MYRIP: variants seen among roughly 807,000 people sequenced by gnomAD.
MYRIP encodes myosin VIIA and Rab interacting protein, also known as rab effector MyRIP.
In MYRIP, 49 loss-of-function variants were observed where a neutral mutation model predicts 98.0. The ratio of observed to expected loss-of-function variants is 0.50; its 90% CI spans 0.40 to 0.63. The LOEUF (loss-of-function observed/expected upper bound fraction) is 0.63, where lower values mean the gene tolerates loss of function less well. Among genes scored for constraint, MYRIP ranks in the 30% least tolerant of loss-of-function variants. The pLI is 0.00. For synonymous variants in MYRIP, 404 were observed against 409.5 expected (o/e 0.99, Z 0.16); for missense variants, 1,004 against 1,058.2 (o/e 0.95, Z 0.71).
At chr3:39,889,579 A>G (rs1457366533) in intron 1 of MYRIP, among the ~76,000 whole-genome samples, 1 of 152,218 alleles carries the variant, frequency 6.6e-6, no homozygotes, top group Admixed American at 6.5e-5. Context: ...ACCTAATGCT[A>G]GATGACGAGT....
At chr3:39,951,427 C>T (rs1366378015) in intron 2 of MYRIP, among the ~76,000 whole-genome samples, 1 of 151,966 alleles carries the variant, frequency 6.6e-6, no homozygotes, top group East Asian at 1.9e-4. Flanking sequence ...TAGAGAAGCG[C>T]TACTTTAAAC....
chr3:40,159,508 A>G (rs1489938737), intron 4 of MYRIP, among the ~76,000 whole-genome samples: 91 of 151,348 alleles, frequency 6.0e-4, no homozygotes, highest in African/African-American at 2.1e-3. Flanking sequence ...TCTTTGTGGC[A>G]TTCTCTGTAT....
chr3:40,160,732 A>G (rs945525608), intron 4 of MYRIP, among the ~76,000 whole-genome samples: 1 of 152,188 alleles, frequency 6.6e-6, no homozygotes, highest in African/African-American at 2.4e-5. Context: ...AAAGCGCAGT[A>G]TTCGGGTGGG....
At chr3:40,239,025 T>C (rs1366177316) in intron 12 of MYRIP, among the ~76,000 whole-genome samples, 4 of 150,916 alleles carry the variant, frequency 2.7e-5, no homozygotes, top group African/African-American at 9.7e-5. Context: ...TCATCTAGCA[T>C]TAGGTATATC....
At chr3:39,988,191 A>G (rs1559549819) in intron 2 of MYRIP, among the ~76,000 whole-genome samples, 1 of 152,164 alleles carries the variant, frequency 6.6e-6, no homozygotes, top group Admixed American at 6.5e-5. Flanking sequence ...GGATAGCATT[A>G]GGAGATATAC....
At chr3:40,072,443 G>A (rs1948251334) in intron 3 of MYRIP, among the ~76,000 whole-genome samples, 1 of 152,116 alleles carries the variant, frequency 6.6e-6, no homozygotes, top group African/African-American at 2.4e-5. Flanking sequence ...CTGACCTCAG[G>A]CAATCCAACC....
At chr3:40,026,310 T>C (rs1222968943) in intron 2 of MYRIP, among the ~76,000 whole-genome samples, 1 of 152,154 alleles carries the variant, frequency 6.6e-6, no homozygotes, top group Non-Finnish European at 1.5e-5. Context: ...CGTATGGTTG[T>C]CTCCCTTGTT....
chr3:39,878,152 A>G (rs6778599), intron 1 of MYRIP, among the ~76,000 whole-genome samples: 25,528 of 150,498 alleles, frequency 0.17, 4,025 homozygotes, highest in African/African-American at 0.42. Context: ...TCCGAGCCAT[A>G]TGCGGGATAT....
At chr3:39,934,965 A>C (rs1366475915) in intron 2 of MYRIP, among the ~76,000 whole-genome samples, 1 of 152,120 alleles carries the variant, frequency 6.6e-6, no homozygotes, top group Non-Finnish European at 1.5e-5. Context: ...CGACCTGGTG[A>C]CAGCTTGTTT....
intron 2 of MYRIP, among the ~76,000 whole-genome samples, chr3:39,976,828 T>C (rs4328746): frequency 0.27 from 41,740 of 151,830 alleles, 6,379 homozygotes; most frequent in Non-Finnish European, 0.35. Flanking sequence ...TTCTCACTCA[T>C]AGGTAGAAAT....
intron 1 of MYRIP, among the ~76,000 whole-genome samples, chr3:39,811,022 C>T (rs1347505627): frequency 6.6e-6 from 1 of 152,130 alleles, no homozygotes; most frequent in Non-Finnish European, 1.5e-5. Flanking sequence ...GCTGGCCAGT[C>T]TTGGGGTATG....
intron 4 of MYRIP, among the ~76,000 whole-genome samples, chr3:40,159,083 C>G (rs1950315435): frequency 6.6e-6 from 1 of 151,708 alleles, no homozygotes; most frequent in Non-Finnish European, 1.5e-5. Context: ...CAGTTTCTTC[C>G]TAGTCTCGAT....
At chr3:39,822,868 C>CTTTT (rs35751546) in intron 1 of MYRIP, among the ~76,000 whole-genome samples, 1 of 146,800 alleles carries the variant, frequency 6.8e-6, no homozygotes. Flanking sequence ...GGATTTGATT[C>CTTTT]TTTTTTTTTT....
intron 1 of MYRIP, among the ~76,000 whole-genome samples, chr3:39,849,514 G>T (rs773374126): frequency 6.6e-6 from 1 of 152,184 alleles, no homozygotes; most frequent in Non-Finnish European, 1.5e-5. Flanking sequence ...CAGCCTTCCC[G>T]GAGTGGAGAT....
intron 3 of MYRIP, among the ~76,000 whole-genome samples, chr3:40,053,688 A>G (rs1446114637): frequency 1.3e-5 from 2 of 152,088 alleles, no homozygotes; most frequent in Non-Finnish European, 2.9e-5. Context: ...TCTCCTTACA[A>G]TATCCTCAGG....
At chr3:40,062,714 G>GA (rs1040269434) in intron 3 of MYRIP, among the ~76,000 whole-genome samples, 2 of 152,062 alleles carry the variant, frequency 1.3e-5, no homozygotes, top group African/African-American at 4.8e-5. Flanking sequence ...AGGCACCGTG[G>GA]AAAAAATAAA....
At chr3:40,123,962 G>T (rs891999206) in intron 3 of MYRIP, among the ~76,000 whole-genome samples, 1 of 152,252 alleles carries the variant, frequency 6.6e-6, no homozygotes, top group East Asian at 1.9e-4. Flanking sequence ...TTGGTGCAAG[G>T]CCACCTCCCT....
chr3:40,075,007 A>C (rs1483786263), intron 3 of MYRIP, among the ~76,000 whole-genome samples: 1 of 152,224 alleles, frequency 6.6e-6, no homozygotes, highest in Non-Finnish European at 1.5e-5. Context: ...GGACATGTGA[A>C]ATAAGTAGGT....
chr3:39,873,238 GCC>G (rs1222581313), intron 1 of MYRIP, among the ~76,000 whole-genome samples: 5 of 151,886 alleles, frequency 3.3e-5, no homozygotes, highest in Non-Finnish European at 7.4e-5. Flanking sequence ...CTGGATATTA[GCC>G]CTTTGTCAGA....
Sources: allele counts gnomAD v4.1 joint callset (sites outside exome capture counted in the v4.1 genomes callset), GRCh38; gene constraint gnomAD v4.1.1; transcripts MANE v1.5; gene names NCBI Gene and HGNC (gene_info 2026-07-23, HGNC 2026-07-21).